SPACA6: variants seen among roughly 807,000 people sequenced by gnomAD.
SPACA6 encodes sperm acrosome associated 6.
For missense variants in SPACA6, 8 were observed against 2.8 expected (o/e 2.88, Z -1.34); for synonymous variants, 6 against 1.5 (o/e 4.05, Z -2.21).
chr19:51,698,505 C>T (rs932318824), intron 2 of SPACA6, among the ~76,000 whole-genome samples: 2 of 152,192 alleles, frequency 1.3e-5, no homozygotes, highest in African/African-American at 4.8e-5. Context: ...CTTTGGATGA[C>T]TCCTCCAACA....
At chr19:51,709,471 T>C (rs1195227403), downstream of SPACA6, among the ~76,000 whole-genome samples, 4 of 138,060 alleles carry the variant, frequency 2.9e-5, no homozygotes, top group Non-Finnish European at 6.1e-5. Context: ...GAGCTGAGAT[T>C]GCGCCATTGC....
At chr19:51,683,325 T>C in the SPACA6 span, among the ~76,000 whole-genome samples, 3 of 152,242 alleles carry the variant, frequency 2.0e-5, no homozygotes, top group South Asian at 6.2e-4. Flanking sequence ...GGGCCCACTC[T>C]AATCCAGTAT....
At chr19:51,701,881 T>C (rs1223237745) in intron 3 of SPACA6, 155 bp downstream of exon 3, 1 of 371,334 alleles carries the variant, frequency 2.7e-6, no homozygotes, top group Non-Finnish European at 4.8e-6. Flanking sequence ...AAAAGCAGTC[T>C]GACCAACATG....
upstream of SPACA6, chr19:51,686,577 TG>T (rs1326286815): frequency 6.6e-6 from 1 of 152,334 alleles, no homozygotes; most frequent in East Asian, 1.9e-4. Flanking sequence ...TTTGTGTGCA[TG>T]ACAAGTTTAA....
downstream of SPACA6, among the ~76,000 whole-genome samples, chr19:51,708,570 T>C (rs1356170947): frequency 1.3e-5 from 2 of 152,144 alleles, no homozygotes; most frequent in African/African-American, 4.8e-5. Context: ...CTCATGCCTG[T>C]AATCCCAACA....
chr19:51,699,360 A>G (rs2083452758), intron 2 of SPACA6, among the ~76,000 whole-genome samples: 1 of 152,174 alleles, frequency 6.6e-6, no homozygotes, highest in Non-Finnish European at 1.5e-5. Flanking sequence ...CTATGGCTAC[A>G]ACTTGGTCAC....
the SPACA6 span, among the ~76,000 whole-genome samples, chr19:51,682,965 C>T: frequency 6.6e-6 from 1 of 152,154 alleles, no homozygotes; most frequent in African/African-American, 2.4e-5. Context: ...CTCACTTGAG[C>T]CCAGGAGGTG....
At chr19:51,704,240 C>A in intron 7 of SPACA6, 30 bp from the exon 8 acceptor site, 1 of 400,798 alleles carries the variant, frequency 2.5e-6, no homozygotes, top group Middle Eastern at 3.1e-4. Context: ...GGGTGGGGCT[C>A]GTGCCTGGCT....
Position 51,703,874 on chromosome 19 carries a change from G to C in SPACA6, c.574-156G>C, listed in dbSNP as rs1004783919. Reference sequence around the variant, plus strand: ...GTAAGGGTTTAAGGAGTGAGGGGAAGGGGTGCGTTTAGGGCAGGGGAGCGA... The same window carrying C: ...GTAAGGGTTTAAGGAGTGAGGGGAACGGGTGCGTTTAGGGCAGGGGAGCGA... On this transcript the variant is annotated intron_variant, in intron 6 of 8. Coordinates refer to ENST00000637797, the MANE Select transcript of SPACA6 (RefSeq NM_001316972.2). The surrounding 1 kb of genome is among the most constrained non-coding windows in gnomAD (Gnocchi z 4.2). 1.0e-5 allele frequency: 4 copies of C among 397,440 alleles called. No individual in the cohort carries two copies. Among genetic ancestry groups the C allele is most frequent in the African/African-American group, 8.2e-5 (4 of 48,610 alleles). 24.6% of individuals were successfully genotyped at this position (397,440 alleles called of 1,614,324 possible).
chr19:51,691,391 A>C (rs1342832326), upstream of SPACA6, among the ~76,000 whole-genome samples: 1 of 148,854 alleles, frequency 6.7e-6, no homozygotes, highest in East Asian at 2.0e-4. Flanking sequence ...ATCCGAAAAA[A>C]GGGGGTGGAG....
chr19:51,686,857 A>C (rs1281662719), upstream of SPACA6: 1 of 152,268 alleles, frequency 6.6e-6, no homozygotes, highest in East Asian at 1.9e-4. Context: ...GTAGTCATTC[A>C]ATAAAGGGTA....
downstream of SPACA6, among the ~76,000 whole-genome samples, chr19:51,712,721 G>A (rs61683178): frequency 0.088 from 13,378 of 152,092 alleles, 605 homozygotes; most frequent in African/African-American, 0.099. Context: ...GACTCCAGCA[G>A]AAGTTTTCTT....
Position 51,704,057 on chromosome 19 carries a change from C to T in SPACA6, c.601C>T (p.Arg201Ter). ...CCGGACTCAGGACTTGTCCTATTTCCGAGATATGCCGCGGGCCGAAGGATA... is the reference window on the plus strand; with the variant it reads ...CCGGACTCAGGACTTGTCCTATTTCTGAGATATGCCGCGGGCCGAAGGATA... Reference protein sequence around the residue: ...GLRTQDLSYFRDMPRAEGYLA... With the variant: ...GLRTQDLSYF Residue 201 changes from arginine (R) to a stop codon, truncating the protein, a stop_gained, in exon 7 of 9, where the codon CGA (arginine) becomes TGA (stop). Coordinates refer to ENST00000637797, the MANE Select transcript of SPACA6 (RefSeq NM_001316972.2). LOFTEE classifies it high-confidence loss of function. The T allele has an allele frequency of 2.5e-6, 1 of 401,200 alleles. No individual in the cohort carries two copies. Among genetic ancestry groups the T allele is most frequent in the Non-Finnish European group, 4.4e-6 (1 of 226,220 alleles). The allele number at this position is 401,200 out of a possible 1,614,324, so 24.9% of individuals were successfully genotyped here.
At chr19:51,697,188 T>G (rs2083436623) in intron 2 of SPACA6, among the ~76,000 whole-genome samples, 1 of 152,200 alleles carries the variant, frequency 6.6e-6, no homozygotes, top group African/African-American at 2.4e-5. Flanking sequence ...CTTTTGTTTT[T>G]TGCTCTTGAA....
chr19:51,695,370 C>T (rs2083421800), intron 2 of SPACA6, among the ~76,000 whole-genome samples: 2 of 152,192 alleles, frequency 1.3e-5, no homozygotes, highest in African/African-American at 4.8e-5. Flanking sequence ...TGTGGAGGCT[C>T]GGAGTTGCAG....
Position 51,694,304 on chromosome 19 carries a change from G to A in SPACA6, c.215-174G>A, listed in dbSNP as rs2083406671. 4.1e-5 allele frequency: 14 copies of A among 341,480 alleles called. No homozygotes were observed. In the East Asian group the frequency reaches 5.5e-4, roughly 13 times the overall value. 21.2% of individuals were successfully genotyped at this position (341,480 alleles called of 1,614,324 possible). A position where few individuals can be genotyped will look rare whatever the true frequency, so the allele number is the denominator to read the frequency against. Reference sequence around the variant, plus strand: ...GACTGGTCGGGGGCAGAGACTCAGGGAGGATAGAGACTTGGGAGGGACTCA... The same window carrying A: ...GACTGGTCGGGGGCAGAGACTCAGGAAGGATAGAGACTTGGGAGGGACTCA... On this transcript the variant is annotated intron_variant, in intron 1 of 8. Transcript: ENST00000637797.
chr19:51,691,425 CTG>C (rs916321546), upstream of SPACA6, among the ~76,000 whole-genome samples: 2 of 140,386 alleles, frequency 1.4e-5, no homozygotes, highest in African/African-American at 5.4e-5. Context: ...AGGAGAGAGA[CTG>C]AGAGAGGGCC....
chr19:51,706,550 A>G (rs1411207534), downstream of SPACA6, among the ~76,000 whole-genome samples: 2 of 150,432 alleles, frequency 1.3e-5, no homozygotes, highest in African/African-American at 4.9e-5. Flanking sequence ...TCACAAACCC[A>G]CCTCTCTCAT....
upstream of SPACA6, among the ~76,000 whole-genome samples, chr19:51,688,672 G>A (rs1425860114): frequency 6.6e-6 from 1 of 151,904 alleles, no homozygotes; most frequent in South Asian, 2.1e-4. Flanking sequence ...GCGAGAGAGA[G>A]GAAGAACAGA....
Sources: allele counts gnomAD v4.1 joint callset (sites outside exome capture counted in the v4.1 genomes callset), GRCh38; gene constraint gnomAD v4.1.1; non-coding constraint Gnocchi (gnomAD v3.1); transcripts MANE v1.5; gene names NCBI Gene and HGNC (gene_info 2026-07-23, HGNC 2026-07-21).